PTPRQ: variants seen among roughly 807,000 people sequenced by gnomAD.
PTPRQ encodes the protein phosphatidylinositol phosphatase PTPRQ.
PTPRQ carries 199 observed loss-of-function variants against 246.0 expected under a neutral mutation model. The ratio of observed to expected loss-of-function variants is 0.81; its 90% CI spans 0.72 to 0.91. The LOEUF (loss-of-function observed/expected upper bound fraction) is 0.91, where lower values mean the gene tolerates loss of function less well. PTPRQ is among the 40% of genes least tolerant of loss of function. The pLI, the probability that PTPRQ is intolerant of heterozygous loss-of-function variation, is 0.00. For synonymous variants in PTPRQ, 869 were observed against 853.2 expected (o/e 1.02, Z -0.32); for missense variants, 2,624 against 2,528.4 (o/e 1.04, Z -0.81).
At chr12:80,488,301 G>T (rs7973387) in intron 9 of PTPRQ, among the ~76,000 whole-genome samples, 28,837 of 151,646 alleles carry the variant, frequency 0.19, 2,929 homozygotes, top group Middle Eastern at 0.24. Context: ...GGGTATAGTG[G>T]GTATCTACCT....
chr12:80,558,698 A>C (rs1896735890), intron 25 of PTPRQ, among the ~76,000 whole-genome samples: 2 of 152,076 alleles, frequency 1.3e-5, no homozygotes, highest in Admixed American at 1.3e-4. Flanking sequence ...TTTTTAAGAA[A>C]CTGACAAACT....
chr12:80,586,983 G>A (rs1212314511), intron 25 of PTPRQ, among the ~76,000 whole-genome samples: 5 of 152,100 alleles, frequency 3.3e-5, no homozygotes, highest in African/African-American at 9.7e-5. Flanking sequence ...TTCTGATTTT[G>A]TTCTCCGTGG....
At position 80,540,056 on chromosome 12, in the gene PTPRQ, C is replaced by T; in HGVS notation, c.3154+112C>T. 6 of 928,634 alleles carry T rather than the reference C, an allele frequency of 6.5e-6. No homozygotes were observed. The South Asian group carries it at 1.6e-4, about 25-fold the overall frequency. 57.5% of individuals were successfully genotyped at this position (928,634 alleles called of 1,614,324 possible). Reference sequence around the variant, plus strand: ...ATAACATCTTTTATTTAGACACGTTCATTATAGGAGTTTGAAAATGCAATT... The same window carrying T: ...ATAACATCTTTTATTTAGACACGTTTATTATAGGAGTTTGAAAATGCAATT... On this transcript the variant is annotated intron_variant, in intron 20 of 44. Coordinates refer to ENST00000644991, the MANE Select transcript of PTPRQ (RefSeq NM_001145026.2).
intron 26 of PTPRQ, among the ~76,000 whole-genome samples, chr12:80,602,351 A>T (rs1898171640): frequency 6.6e-6 from 1 of 151,854 alleles, no homozygotes; most frequent in African/African-American, 2.4e-5. Context: ...TCAATTACTT[A>T]TTCACAGTTT....
intron 17 of PTPRQ, among the ~76,000 whole-genome samples, chr12:80,510,887 A>G (rs1172444641): frequency 6.6e-6 from 1 of 152,174 alleles, no homozygotes; most frequent in Non-Finnish European, 1.5e-5. Flanking sequence ...AATGTAAACA[A>G]TGTATTTCGT....
intron 33 of PTPRQ, among the ~76,000 whole-genome samples, chr12:80,630,071 T>C (rs1350079871): frequency 1.3e-5 from 2 of 152,210 alleles, no homozygotes; most frequent in Non-Finnish European, 2.9e-5. Flanking sequence ...AACTTAACAA[T>C]AAATTATTGA....
At chr12:80,591,120 CTTTTTTTTTTTT>C in intron 26 of PTPRQ, among the ~76,000 whole-genome samples, 1 of 77,388 alleles carries the variant, frequency 1.3e-5, no homozygotes, top group East Asian at 3.7e-4. Flanking sequence ...TTGATCATTG[CTTTTTTTTTTTT>C]TTTTTTTTTT....
intron 3 of PTPRQ, among the ~76,000 whole-genome samples, chr12:80,447,533 G>T (rs114976260): frequency 6.6e-6 from 1 of 151,928 alleles, no homozygotes; most frequent in Non-Finnish European, 1.5e-5. Flanking sequence ...ATAGTTTCAG[G>T]TTTTATATTT....
chr12:80,524,144 T>G (rs1468266953), intron 17 of PTPRQ, among the ~76,000 whole-genome samples: 4 of 152,166 alleles, frequency 2.6e-5, no homozygotes, highest in African/African-American at 9.6e-5. Flanking sequence ...CTTTTGATCT[T>G]TGTTGGTTTA....
At chr12:80,676,758 A>G (rs1418561824) in intron 43 of PTPRQ, among the ~76,000 whole-genome samples, 1 of 152,198 alleles carries the variant, frequency 6.6e-6, no homozygotes, top group Non-Finnish European at 1.5e-5. Flanking sequence ...TTAGTGCCTC[A>G]AGGAAGTGGA....
intron 39 of PTPRQ, among the ~76,000 whole-genome samples, chr12:80,664,602 C>T: frequency 6.6e-6 from 1 of 152,000 alleles, no homozygotes; most frequent in African/African-American, 2.4e-5. Flanking sequence ...CTCTCTACTT[C>T]TTTATTGTTC....
intron 17 of PTPRQ, among the ~76,000 whole-genome samples, chr12:80,528,564 A>C (rs1934347080): frequency 6.6e-6 from 1 of 152,186 alleles, no homozygotes; most frequent in South Asian, 2.1e-4. Context: ...TGTTGTCCTC[A>C]GAAATTTTCC....
At position 80,506,101 on chromosome 12, in the gene PTPRQ, A is replaced by G. The variant is rs1894949125; in HGVS notation, c.2350A>G (p.Ser784Gly). 1 of 1,544,876 alleles carries G rather than the reference A, an allele frequency of 6.5e-7. No individual in the cohort carries two copies. Among genetic ancestry groups the G allele is most frequent in the Non-Finnish European group, 8.7e-7 (1 of 1,144,318 alleles). ...GEIELSFLPP[S>G]SPNGIIQKYT... ...GATTGAGCTATCATTCCTTCCCCCA[A>G]GTAGTCCCAATGGAATCATACAAAA... The change falls in exon 15 of 45, where the codon AGT (serine) becomes GGT (glycine). Residue 784 changes from serine to glycine, a missense_variant. Transcript: ENST00000644991.
intron 25 of PTPRQ, among the ~76,000 whole-genome samples, chr12:80,577,215 C>A (rs973744435): frequency 1.3e-5 from 2 of 152,114 alleles, no homozygotes; most frequent in African/African-American, 4.8e-5. Context: ...TAAGACTGGG[C>A]AATTTATAAT....
At chr12:80,447,452 C>T (rs79002148) in intron 3 of PTPRQ, among the ~76,000 whole-genome samples, 4 of 152,024 alleles carry the variant, frequency 2.6e-5, no homozygotes, top group Admixed American at 1.3e-4. Flanking sequence ...CTTTTGATGT[C>T]TCAGTCATAA....
intron 26 of PTPRQ, among the ~76,000 whole-genome samples, chr12:80,593,011 AAAAAT>A (rs1358295027): frequency 6.6e-6 from 1 of 152,226 alleles, no homozygotes; most frequent in Non-Finnish European, 1.5e-5. Context: ...ACTCCATCTC[AAAAAT>A]AAAATAAAAA....
chr12:80,677,402 C>T (rs1311785056), intron 43 of PTPRQ, among the ~76,000 whole-genome samples: 4 of 152,134 alleles, frequency 2.6e-5, no homozygotes, highest in African/African-American at 9.7e-5. Flanking sequence ...ACTAGATCAT[C>T]CACCTCATTT....
chr12:80,477,538 C>T (rs115017821), intron 8 of PTPRQ, among the ~76,000 whole-genome samples: 2,861 of 152,144 alleles, frequency 0.019, 90 homozygotes, highest in African/African-American at 0.065. Context: ...GCAAGATGGC[C>T]GAATAGGAAC....
At chr12:80,472,336 GT>G in intron 8 of PTPRQ, 85 bp downstream of exon 8, 1 of 1,488,558 alleles carries the variant, frequency 6.7e-7, no homozygotes, top group Non-Finnish European at 9.0e-7. Flanking sequence ...GAAGCAATTT[GT>G]TTTACATTTA....
Sources: allele counts gnomAD v4.1 joint callset (sites outside exome capture counted in the v4.1 genomes callset), GRCh38; gene constraint gnomAD v4.1.1; transcripts MANE v1.5; gene names NCBI Gene and HGNC (gene_info 2026-07-23, HGNC 2026-07-21).